The following NEGR1 variants were observed in gnomAD, a reference collection of about 807,000 sequenced individuals.
NEGR1 encodes IgLON family member 4.
NEGR1 carries 10 observed loss-of-function variants against 40.9 expected under a neutral mutation model. The observed-to-expected ratio is 0.24, with a 90% CI of 0.15 to 0.42. The LOEUF (loss-of-function observed/expected upper bound fraction) is 0.42. NEGR1 is among the 10% of genes least tolerant of loss of function. The pLI, the probability that NEGR1 is intolerant of heterozygous loss-of-function variation, is 1.00. For missense variants in NEGR1, 352 were observed against 438.9 expected (o/e 0.80, Z 1.77); for synonymous variants, 185 against 166.8 (o/e 1.11, Z -0.84).
intron 6 of NEGR1, among the ~76,000 whole-genome samples, chr1:71,413,716 A>G (rs1404146493): frequency 1.3e-5 from 2 of 152,136 alleles, no homozygotes; most frequent in Non-Finnish European, 2.9e-5. Context: ...GTATGAAGCA[A>G]AAGTGTCCAA....
intron 2 of NEGR1, among the ~76,000 whole-genome samples, chr1:71,813,031 C>T (rs1300071152): frequency 6.6e-6 from 1 of 152,044 alleles, no homozygotes; most frequent in Admixed American, 6.6e-5. Context: ...AATTGTATTG[C>T]CTAGATTTAC....
At chr1:71,446,994 C>T (rs894782970) in intron 6 of NEGR1, among the ~76,000 whole-genome samples, 4 of 152,226 alleles carry the variant, frequency 2.6e-5, no homozygotes, top group Non-Finnish European at 2.9e-5. Flanking sequence ...ATTCTTATTA[C>T]AGTATAAGTT....
At chr1:72,240,545 A>G (rs1022617730) in intron 1 of NEGR1, among the ~76,000 whole-genome samples, 10 of 151,830 alleles carry the variant, frequency 6.6e-5, no homozygotes, top group Admixed American at 1.3e-4. Flanking sequence ...ACTTGGCTAC[A>G]CCAGTATGAC....
chr1:71,767,184 T>C (rs1028951631), intron 3 of NEGR1, among the ~76,000 whole-genome samples: 1 of 152,052 alleles, frequency 6.6e-6, no homozygotes, highest in Non-Finnish European at 1.5e-5. Flanking sequence ...TTGGAAGAGT[T>C]TGGAGGGCCC....
intron 2 of NEGR1, among the ~76,000 whole-genome samples, chr1:71,886,045 T>C (rs576624638): frequency 5.3e-5 from 8 of 152,324 alleles, no homozygotes; most frequent in South Asian, 4.1e-4. Context: ...TTTTCACTTA[T>C]GCACTTCTGG....
intron 1 of NEGR1, among the ~76,000 whole-genome samples, chr1:71,993,940 C>G (rs757663489): frequency 2.6e-5 from 4 of 152,068 alleles, no homozygotes; most frequent in Non-Finnish European, 5.9e-5. Context: ...ACCAGGGCCC[C>G]AGGAATAACT....
At chr1:72,141,392 G>A (rs1650671619) in intron 1 of NEGR1, among the ~76,000 whole-genome samples, 1 of 151,884 alleles carries the variant, frequency 6.6e-6, no homozygotes, top group Admixed American at 6.6e-5. Context: ...CAGGGAACTA[G>A]AATAAAAAAT....
intron 1 of NEGR1, among the ~76,000 whole-genome samples, chr1:72,066,220 G>C (rs1473107903): frequency 6.6e-6 from 1 of 152,088 alleles, no homozygotes; most frequent in Non-Finnish European, 1.5e-5. Context: ...AGTTTCCCAT[G>C]ATCTCTCAGC....
intron 6 of NEGR1, among the ~76,000 whole-genome samples, chr1:71,424,463 C>T (rs1349250127): frequency 1.3e-5 from 2 of 152,220 alleles, no homozygotes; most frequent in African/African-American, 2.4e-5. Flanking sequence ...CCTCCCCAGA[C>T]ATTCCCATCC....
chr1:72,162,590 C>A (rs1651610336), intron 1 of NEGR1, among the ~76,000 whole-genome samples: 1 of 152,166 alleles, frequency 6.6e-6, no homozygotes, highest in African/African-American at 2.4e-5. Flanking sequence ...GCAGTGACAT[C>A]TTTGTGTCAC....
chr1:71,540,375 T>C (rs1418485879), intron 6 of NEGR1, among the ~76,000 whole-genome samples: 1 of 151,806 alleles, frequency 6.6e-6, no homozygotes, highest in Non-Finnish European at 1.5e-5. Context: ...AGGGCCTAGA[T>C]ACCTGGTAAT....
At chr1:72,076,279 C>G (rs1010950200) in intron 1 of NEGR1, among the ~76,000 whole-genome samples, 2 of 151,916 alleles carry the variant, frequency 1.3e-5, no homozygotes, top group Non-Finnish European at 2.9e-5. Flanking sequence ...TAAAAGAGAC[C>G]CTGGAGAGTT....
At position 71,765,173 on chromosome 1, in the gene NEGR1, A is replaced by T. The variant is rs548244281; in HGVS notation, c.535+10999T>A. 2.6e-5 allele frequency among the ~76,000 whole-genome samples: 4 copies of T among 152,312 alleles called. No individual in the cohort carries two copies. The East Asian group carries it at 7.7e-4, about 29-fold the overall frequency. ...AACTGTGACACCTGCACAGTTGGTC[A>T]ACAGAACGGCCCAATCCTTCCCTAT... On this transcript the variant is annotated intron_variant, in intron 3 of 6. Coordinates refer to ENST00000357731, the MANE Select transcript of NEGR1 (RefSeq NM_173808.3).
At chr1:71,800,744 C>T (rs1585379) in intron 2 of NEGR1, among the ~76,000 whole-genome samples, 2 of 152,146 alleles carry the variant, frequency 1.3e-5, no homozygotes, top group South Asian at 2.1e-4. Flanking sequence ...TTTAACTACT[C>T]GAGGGCTTCA....
chr1:71,927,946 C>A (rs1023525691), intron 2 of NEGR1, among the ~76,000 whole-genome samples: 12 of 145,646 alleles, frequency 8.2e-5, no homozygotes, highest in Non-Finnish European at 1.8e-4. Context: ...CTGCAGTAGG[C>A]CAAGACTGAG....
At chr1:72,078,645 A>ATTTTTT (rs34230422) in intron 1 of NEGR1, among the ~76,000 whole-genome samples, 6 of 144,010 alleles carry the variant, frequency 4.2e-5, no homozygotes, top group African/African-American at 1.5e-4. Context: ...ATATTTATTT[A>ATTTTTT]TTTTTTTTTT....
intron 6 of NEGR1, among the ~76,000 whole-genome samples, chr1:71,561,877 T>C (rs1648468663): frequency 6.6e-6 from 1 of 151,054 alleles, no homozygotes; most frequent in Non-Finnish European, 1.5e-5. Flanking sequence ...AAATATAGCA[T>C]TCATGAATCA....
chr1:71,500,941 T>G (rs1038933184), intron 6 of NEGR1, among the ~76,000 whole-genome samples: 17 of 152,100 alleles, frequency 1.1e-4, no homozygotes, highest in Non-Finnish European at 2.1e-4. Context: ...CTGGGGTTTA[T>G]TGACTCCACG....
At position 71,783,377 on chromosome 1, in the gene NEGR1, C is replaced by A. The variant is rs138254544; in HGVS notation, c.410-7080G>T. 3.9e-5 allele frequency among the ~76,000 whole-genome samples: 6 copies of A among 152,226 alleles called. No individual in the cohort carries two copies. The East Asian group carries it at 1.2e-3, about 29-fold the overall frequency. ...CTCAAACTGAGATAAGAAATTGTTT[C>A]ATGCTTTTTTCTCTAAATTGGTTTG... On this transcript the variant is annotated intron_variant, in intron 2 of 6. Coordinates refer to ENST00000357731, the MANE Select transcript of NEGR1 (RefSeq NM_173808.3).
Sources: gnomAD v4.1 joint callset for allele counts (sites outside exome capture counted in the v4.1 genomes callset) on GRCh38, gnomAD v4.1.1 for gene constraint, MANE v1.5 for transcripts, NCBI Gene and HGNC (gene_info 2026-07-23, HGNC 2026-07-21) for gene names.